The following BEND7 variants were observed in gnomAD, a reference collection of about 807,000 sequenced individuals.
BEND7 encodes BEN domain containing 7.
In BEND7, 28 loss-of-function variants were observed where a neutral mutation model predicts 50.9. The ratio of observed to expected loss-of-function variants is 0.55; its 90% CI spans 0.41 to 0.75. BEND7 has a LOEUF of 0.75. Ranked by LOEUF, BEND7 falls within the 30% of genes least tolerant of loss-of-function variation. BEND7 has a pLI of 0.00. For missense variants in BEND7, 477 were observed against 491.3 expected (o/e 0.97, Z 0.28); for synonymous variants, 170 against 183.9 (o/e 0.92, Z 0.61).
At chr10:13,451,377 T>C (rs1837658712) in intron 7 of BEND7, among the ~76,000 whole-genome samples, 1 of 151,296 alleles carries the variant, frequency 6.6e-6, no homozygotes, top group Admixed American at 6.6e-5. Context: ...TTTTTCTTTT[T>C]TTTTGGTGTG....
At chr10:13,451,382 G>GGTGT (rs532060395) in intron 7 of BEND7, among the ~76,000 whole-genome samples, 6 of 147,640 alleles carry the variant, frequency 4.1e-5, no homozygotes, top group African/African-American at 1.5e-4. Context: ...CTTTTTTTTT[G>GGTGT]GTGTGTGTGT....
chr10:13,505,786 C>T (rs1013227368), intron 2 of BEND7, among the ~76,000 whole-genome samples: 1 of 152,134 alleles, frequency 6.6e-6, no homozygotes, highest in African/African-American at 2.4e-5. Flanking sequence ...CTATATGCCT[C>T]CTTATTAGGA....
At chr10:13,512,392 A>C (rs2078338729) in intron 2 of BEND7, among the ~76,000 whole-genome samples, 1 of 152,266 alleles carries the variant, frequency 6.6e-6, no homozygotes, top group African/African-American at 2.4e-5. Flanking sequence ...AACACACAGC[A>C]AAAGTCTCCA....
intron 8 of BEND7, chr10:13,444,382 A>C (rs1450669715): frequency 6.6e-6 from 1 of 152,196 alleles, no homozygotes; most frequent in Non-Finnish European, 1.5e-5. Flanking sequence ...CTGTAACCCT[A>C]CCCTAGTCAC....
intron 6 of BEND7, among the ~76,000 whole-genome samples, chr10:13,469,259 G>A (rs946627393): frequency 5.9e-5 from 9 of 152,122 alleles, no homozygotes; most frequent in Non-Finnish European, 1.5e-5. Flanking sequence ...CCAAGAGCAG[G>A]ATGCAAGAAA....
intron 6 of BEND7, among the ~76,000 whole-genome samples, chr10:13,473,805 C>A (rs1201293837): frequency 6.6e-6 from 1 of 150,816 alleles, no homozygotes; most frequent in African/African-American, 2.4e-5. Context: ...TGTTGTTACA[C>A]TCAGGGCTGA....
chr10:13,466,042 A>G (rs553451586), intron 6 of BEND7, among the ~76,000 whole-genome samples: 5 of 152,194 alleles, frequency 3.3e-5, no homozygotes, highest in African/African-American at 7.2e-5. Flanking sequence ...TTTAATTTCT[A>G]TCAATTTAAG....
At position 13,528,559 on chromosome 10, in the gene BEND7, C is replaced by T. The variant is rs2079566760; in HGVS notation, c.-26G>A. The T allele has an allele frequency of 2.0e-6, 2 of 1,002,546 alleles. No individual in the cohort carries two copies. Among genetic ancestry groups the T allele is most frequent in the Non-Finnish European group, 2.4e-6 (2 of 844,272 alleles). The allele number at this position is 1,002,546 out of a possible 1,614,324, so 62.1% of individuals were successfully genotyped here. ...GGTGCGGGGAAGGCGGCGGCGGGGG[C>T]TGAGGAGGCGGCGGCAGCGGCGGCA... On this transcript the variant is annotated 5_prime_UTR_variant, in exon 1 of 9. Coordinates refer to ENST00000466271, the MANE Select transcript of BEND7 (RefSeq NM_001369863.1).
Position 13,477,409 on chromosome 10 carries a change from T to C in BEND7, c.1063+3490A>G, listed in dbSNP as rs568933707. Reference sequence around the variant, plus strand: ...AGCAAGGATAGCCTTGGCACTATTATGTATAAAGAAACCATTTTATCACTT... The same window carrying C: ...AGCAAGGATAGCCTTGGCACTATTACGTATAAAGAAACCATTTTATCACTT... On this transcript the variant is annotated intron_variant, in intron 6 of 8. Transcript: ENST00000466271. Among the ~76,000 whole-genome samples, 9 of 152,346 alleles carry C rather than the reference T, an allele frequency of 5.9e-5. No individual in the cohort carries two copies. The East Asian group carries it at 1.2e-3, about 20-fold the overall frequency.
chr10:13,474,076 T>C (rs1054502918), intron 6 of BEND7, among the ~76,000 whole-genome samples: 1 of 152,096 alleles, frequency 6.6e-6, no homozygotes, highest in Non-Finnish European at 1.5e-5. Context: ...CCATCATCAC[T>C]GTTAGACACA....
At position 13,497,009 on chromosome 10, in the gene BEND7, G is replaced by T. The variant is rs1209883720; in HGVS notation, c.449-121C>A. On this transcript the variant is annotated intron_variant, in intron 3 of 8. Transcript: ENST00000466271. ...AGGATTTTGAAGCATGTGCAATTAT[G>T]ATGAAGCTGTGCCTAAGGAAAACGT... 3.2e-6 allele frequency: 4 copies of T among 1,255,752 alleles called. No homozygotes were observed. In the African/African-American group the frequency reaches 6.1e-5, roughly 19 times the overall value. The allele number at this position is 1,255,752 out of a possible 1,614,324, so 77.8% of individuals were successfully genotyped here.
chr10:13,524,304 G>A (rs542137398), intron 2 of BEND7, among the ~76,000 whole-genome samples: 85 of 152,256 alleles, frequency 5.6e-4, no homozygotes, highest in African/African-American at 1.8e-3. Context: ...GGGTAAATTC[G>A]TTATTTCGAA....
chr10:13,471,470 T>G (rs1193958426), intron 6 of BEND7, among the ~76,000 whole-genome samples: 1 of 152,210 alleles, frequency 6.6e-6, no homozygotes, highest in South Asian at 2.1e-4. Context: ...CAAGAAGAGA[T>G]TCTACATTTT....
chr10:13,446,303 G>C (rs1019469271), intron 8 of BEND7: 1 of 152,212 alleles, frequency 6.6e-6, no homozygotes, highest in Admixed American at 6.5e-5. Flanking sequence ...CTATGCCTGC[G>C]AATGTGGCTT....
intron 2 of BEND7, among the ~76,000 whole-genome samples, chr10:13,514,190 TG>T (rs1239370957): frequency 6.6e-6 from 1 of 152,160 alleles, no homozygotes; most frequent in Non-Finnish European, 1.5e-5. Context: ...CACAACCTAG[TG>T]GGTTCTACAA....
Position 13,492,809 on chromosome 10 carries a change from T to A in BEND7, c.639A>T (p.Arg213=). ...LICSQRTAVS[R]KRNKKKKVPP... ...GCACTTTTTTCTTTTTATTTCTCTT[T>A]CGTGAGACAGCAGTTCGCTGGGAGC... Residue 213 remains arginine, a synonymous_variant, in exon 5 of 9, where the codon CGA becomes CGT. Transcript: ENST00000466271. 1 of 1,608,662 alleles carries A rather than the reference T, an allele frequency of 6.2e-7. No homozygotes were observed. Among genetic ancestry groups the A allele is most frequent in the East Asian group, 2.2e-5 (1 of 44,876 alleles).
At chr10:13,504,081 A>G (rs1049609895) in intron 2 of BEND7, among the ~76,000 whole-genome samples, 7 of 152,224 alleles carry the variant, frequency 4.6e-5, no homozygotes, top group Non-Finnish European at 7.3e-5. Flanking sequence ...CAGGTGGGGC[A>G]GAGGATCAGA....
intron 3 of BEND7, 155 bp downstream of exon 3, chr10:13,499,623 T>C (rs1435669792): frequency 1.1e-6 from 1 of 910,224 alleles, no homozygotes; most frequent in African/African-American, 1.6e-5. Context: ...AGTCTTCAAC[T>C]CTTTCCTTTG....
intron 6 of BEND7, among the ~76,000 whole-genome samples, chr10:13,456,433 G>A (rs960750481): frequency 1.3e-5 from 2 of 152,164 alleles, no homozygotes; most frequent in Non-Finnish European, 2.9e-5. Flanking sequence ...GAAGTGATCC[G>A]GATGACAGTG....
Sources: gnomAD v4.1 joint callset for allele counts (sites outside exome capture counted in the v4.1 genomes callset) on GRCh38, gnomAD v4.1.1 for gene constraint, MANE v1.5 for transcripts, NCBI Gene and HGNC (gene_info 2026-07-23, HGNC 2026-07-21) for gene names.